The following SRCIN1 variants were observed in gnomAD, a reference collection of about 807,000 sequenced individuals.
The protein encoded by SRCIN1 is P130Cas-associated protein.
SRCIN1 carries 50 observed loss-of-function variants against 116.2 expected under a neutral mutation model. The observed-to-expected ratio is 0.43, with a 90% CI of 0.34 to 0.54. SRCIN1 has a LOEUF of 0.54. Ranked by LOEUF, SRCIN1 falls within the 20% of genes least tolerant of loss-of-function variation. SRCIN1 has a pLI of 0.02. For missense variants in SRCIN1, 1,446 were observed against 1,672.0 expected, an observed-to-expected ratio of 0.86 and a Z score of 2.36; for synonymous variants, 736 against 750.0, an observed-to-expected ratio of 0.98 and a Z score of 0.30.
intron 1 of SRCIN1, among the ~76,000 whole-genome samples, chr17:38,595,065 G>C (rs956260710): frequency 6.6e-6 from 1 of 152,080 alleles, no homozygotes. Context: ...ATAGACAGAG[G>C]ACAGGCCCCC....
intron 1 of SRCIN1, among the ~76,000 whole-genome samples, chr17:38,595,286 C>T (rs1423575730): frequency 1.3e-5 from 2 of 152,056 alleles, no homozygotes; most frequent in Admixed American, 6.6e-5. Context: ...GGCGCAATCT[C>T]GGCTCACTGC....
chr17:38,574,538 C>T (rs1451211712), intron 2 of SRCIN1, among the ~76,000 whole-genome samples: 1 of 152,096 alleles, frequency 6.6e-6, no homozygotes, highest in South Asian at 2.1e-4. Flanking sequence ...AGATAGTCCT[C>T]AGTGGGAGGA....
chr17:38,591,146 T>C (rs1228726716), intron 1 of SRCIN1, among the ~76,000 whole-genome samples: 1 of 152,196 alleles, frequency 6.6e-6, no homozygotes, highest in African/African-American at 2.4e-5. Context: ...TGCCACAGGC[T>C]GTGCAGAGAC....
intron 18 of SRCIN1, among the ~76,000 whole-genome samples, chr17:38,536,170 T>G (rs919502675): frequency 6.6e-6 from 1 of 152,226 alleles, no homozygotes; most frequent in African/African-American, 2.4e-5. Flanking sequence ...ATGTGCTTTC[T>G]AAAATCCTCT....
At position 38,604,721 on chromosome 17, in the gene SRCIN1, C is replaced by A. The variant is rs952424111; in HGVS notation, c.22+963G>T. 1 of 304,630 alleles carries A rather than the reference C, an allele frequency of 3.3e-6. No homozygotes were observed. The highest frequency in any genetic ancestry group is 6.4e-6 in the Non-Finnish European group (1 of 155,578). The allele number at this position is 304,630 out of a possible 1,614,324, so 18.9% of individuals were successfully genotyped here. Reference sequence around the variant, plus strand: ...TCTGCTTCCACCAGCATCCTGCTGCCCCCACCGACAGGACTCGGAGCTGGC... The same window carrying A: ...TCTGCTTCCACCAGCATCCTGCTGCACCCACCGACAGGACTCGGAGCTGGC... On this transcript the variant is annotated intron_variant, in intron 1 of 18. Coordinates refer to ENST00000617146, the MANE Select transcript of SRCIN1 (RefSeq NM_025248.3). This position sits in a 1 kb window ranked among gnomAD's most constrained non-coding sequence, Gnocchi z 4.3.
chr17:38,553,702 G>A (rs908107357), intron 11 of SRCIN1, among the ~76,000 whole-genome samples: 14 of 152,234 alleles, frequency 9.2e-5, no homozygotes, highest in African/African-American at 3.4e-4. Context: ...CTTCACTTGT[G>A]CCATTGAACG....
chr17:38,533,037 G>A lies in SRCIN1; in HGVS notation c.*260C>T, dbSNP rs2040943797. ...GAGAGGCCAGCTGGGATCAAGGAAG[G>A]TGGTGTGTTTGGTTTTTAGTTTTAC... On this transcript the variant is annotated 3_prime_UTR_variant, in exon 19 of 19. Transcript: ENST00000617146. The A allele has an allele frequency of 6.6e-6, 2 of 301,274 alleles. No homozygotes were observed. Among genetic ancestry groups the A allele is most frequent in the African/African-American group, 2.2e-5 (1 of 45,672 alleles). 18.7% of individuals were successfully genotyped at this position (301,274 alleles called of 1,614,324 possible).
In SRCIN1 at chr17:38,531,447, T is replaced by TAA. The variant is rs1221003399; in HGVS notation, c.*1848_*1849dup. On this transcript the variant is annotated 3_prime_UTR_variant, in exon 19 of 19. Transcript: ENST00000617146. The stretch of plus-strand genomic sequence containing the variant: ...ATTTATATTACGTATATTATATATA[T>TAA]AATATGTAAATATATTTTTAAAACA... The TAA allele has an allele frequency of 1.4e-5, 2 of 147,194 alleles. No individual in the cohort carries two copies. Among genetic ancestry groups the TAA allele is most frequent in the Non-Finnish European group, 3.0e-5 (2 of 66,948 alleles). The allele number at this position is 147,194 out of a possible 1,614,324, so 9.1% of individuals were successfully genotyped here.
intron 2 of SRCIN1, among the ~76,000 whole-genome samples, chr17:38,571,258 C>T (rs1441868693): frequency 6.6e-6 from 1 of 152,216 alleles, no homozygotes; most frequent in Non-Finnish European, 1.5e-5. Context: ...ACCTCCTCAC[C>T]CCTTTCCAGG....
intron 2 of SRCIN1, among the ~76,000 whole-genome samples, chr17:38,578,085 C>G (rs1025079532): frequency 3.3e-5 from 5 of 152,134 alleles, no homozygotes; most frequent in Admixed American, 3.3e-4. Flanking sequence ...ACAGAGGTGC[C>G]GACGACCCCA....
At chr17:38,540,729 A>C (rs909977007) in intron 18 of SRCIN1, among the ~76,000 whole-genome samples, 1 of 149,412 alleles carries the variant, frequency 6.7e-6, no homozygotes, top group Non-Finnish European at 1.5e-5. Flanking sequence ...CAGGGATTTT[A>C]AGCTGGCAGG....
Position 38,602,905 on chromosome 17 carries a change from C to A in SRCIN1, c.22+2779G>T, listed in dbSNP as rs527582783. 6.6e-6 allele frequency among the ~76,000 whole-genome samples: 1 copy of A among 152,326 alleles called. No homozygotes were observed. Among genetic ancestry groups the A allele is most frequent in the African/African-American group, 2.4e-5 (1 of 41,578 alleles). ...CAGCTCCCTCAGTTCAAATCCTCAA[C>A]ACTGTCTCCCTTCTTTCCCCAAAAC... On this transcript the variant is annotated intron_variant, in intron 1 of 18. Coordinates refer to ENST00000617146, the MANE Select transcript of SRCIN1 (RefSeq NM_025248.3). This position sits in a 1 kb window ranked among gnomAD's most constrained non-coding sequence, Gnocchi z 4.2.
At chr17:38,594,280 C>T (rs1228368557) in intron 1 of SRCIN1, among the ~76,000 whole-genome samples, 2 of 152,198 alleles carry the variant, frequency 1.3e-5, no homozygotes, top group Non-Finnish European at 2.9e-5. Context: ...GGAGCAGTGT[C>T]GTTGCTCTTT....
intron 7 of SRCIN1, among the ~76,000 whole-genome samples, chr17:38,561,041 C>T (rs1906201492): frequency 1.3e-5 from 2 of 152,214 alleles, no homozygotes; most frequent in Admixed American, 6.5e-5. Flanking sequence ...TCCTCGTCAC[C>T]ATTTTTCAAC....
At chr17:38,583,856 G>C (rs1031870472) in intron 1 of SRCIN1, among the ~76,000 whole-genome samples, 1 of 152,282 alleles carries the variant, frequency 6.6e-6, no homozygotes, top group Non-Finnish European at 1.5e-5. Context: ...CCAGGCCAAA[G>C]TAGGTTGCTT....
Position 38,604,372 on chromosome 17 carries a change from C to G in SRCIN1, c.22+1312G>C. 1 of 317,240 alleles carries G rather than the reference C, an allele frequency of 3.2e-6. No homozygotes were observed. Among genetic ancestry groups the G allele is most frequent in the South Asian group, 2.3e-5 (1 of 43,906 alleles). The allele number at this position is 317,240 out of a possible 1,614,324, so 19.7% of individuals were successfully genotyped here. A position where few individuals can be genotyped will look rare whatever the true frequency, so the allele number is the denominator to read the frequency against. ...AACCCCCACCCCCAGCTCGGGGAGC[C>G]CACTTTCCTTAAAGTTGGGGTGCTG... On this transcript the variant is annotated intron_variant, in intron 1 of 18. Coordinates refer to ENST00000617146, the MANE Select transcript of SRCIN1 (RefSeq NM_025248.3). The surrounding 1 kb of genome is among the most constrained non-coding windows in gnomAD (Gnocchi z 4.3).
At chr17:38,591,606 C>T (rs752115641) in intron 1 of SRCIN1, among the ~76,000 whole-genome samples, 2 of 152,190 alleles carry the variant, frequency 1.3e-5, no homozygotes, top group African/African-American at 2.4e-5. Flanking sequence ...ATGCTCAGGG[C>T]CTAAGAGCGC....
At chr17:38,567,472 G>A (rs1906799026) in intron 3 of SRCIN1, among the ~76,000 whole-genome samples, 1 of 152,128 alleles carries the variant, frequency 6.6e-6, no homozygotes, top group Non-Finnish European at 1.5e-5. Flanking sequence ...TGCAGTGCTA[G>A]GAAGAATGCA....
At chr17:38,596,819 AGCTACT>A (rs1314495162) in intron 1 of SRCIN1, among the ~76,000 whole-genome samples, 1 of 152,074 alleles carries the variant, frequency 6.6e-6, no homozygotes, top group African/African-American at 2.4e-5. Flanking sequence ...TCCTTCACCT[AGCTACT>A]GCCTCCACAC....
Sources: gnomAD v4.1 joint callset for allele counts (sites outside exome capture counted in the v4.1 genomes callset) on GRCh38, gnomAD v4.1.1 for gene constraint, Gnocchi (gnomAD v3.1) non-coding constraint, MANE v1.5 for transcripts, NCBI Gene and HGNC (gene_info 2026-07-23, HGNC 2026-07-21) for gene names.